The following GALM variants were observed in gnomAD, a reference collection of about 807,000 sequenced individuals.
The protein encoded by GALM is aldose 1-epimerase.
GALM carries 43 observed loss-of-function variants against 37.4 expected under a neutral mutation model. The ratio of observed to expected loss-of-function variants is 1.15; its 90% CI spans 0.90 to 1.48. GALM has a LOEUF of 1.48. Ranked by LOEUF, GALM falls within the 40% of genes most tolerant of loss-of-function variation. The pLI is 0.00. For missense variants in GALM, 456 were observed against 419.1 expected, an observed-to-expected ratio of 1.09 and a Z score of -0.77; for synonymous variants, 199 against 170.6, an observed-to-expected ratio of 1.17 and a Z score of -1.30.
intron 2 of GALM, among the ~76,000 whole-genome samples, chr2:38,679,206 C>T (rs1018943761): frequency 5.9e-5 from 9 of 152,132 alleles, no homozygotes; most frequent in East Asian, 1.9e-4. Flanking sequence ...AGGCTTGTCT[C>T]GAACTCTTGA....
intron 2 of GALM, among the ~76,000 whole-genome samples, chr2:38,677,547 AG>A (rs1249339753): frequency 3.9e-5 from 6 of 152,132 alleles, no homozygotes; most frequent in Non-Finnish European, 8.8e-5. Context: ...CCCCAACCAG[AG>A]AAAGTAAGGC....
intron 4 of GALM, among the ~76,000 whole-genome samples, chr2:38,723,127 A>G (rs1015835971): frequency 1.3e-5 from 2 of 152,204 alleles, no homozygotes; most frequent in South Asian, 4.1e-4. Flanking sequence ...ACAGAGATAA[A>G]TAGGGCACAA....
At chr2:38,686,241 T>TTTCTTTCTTTCTTTCTTTCTTTCTTTC (rs1665520105) in intron 3 of GALM, among the ~76,000 whole-genome samples, 1 of 93,630 alleles carries the variant, frequency 1.1e-5, no homozygotes, top group African/African-American at 6.4e-5. Flanking sequence ...TCTTTCTTTC[T>TTTCTTTCTTTCTTTCTTTCTTTCTTTC]TTCTTTCTTT....
intron 1 of GALM, among the ~76,000 whole-genome samples, chr2:38,674,846 G>C (rs1330927374): frequency 2.0e-5 from 3 of 152,160 alleles, no homozygotes; most frequent in African/African-American, 7.2e-5. Flanking sequence ...ACTTTGGATT[G>C]AAAATAGGTG....
intron 1 of GALM, among the ~76,000 whole-genome samples, chr2:38,671,935 G>A (rs60227216): frequency 0.02 from 3,117 of 152,060 alleles, 115 homozygotes; most frequent in African/African-American, 0.071. Context: ...GCAATGAGCC[G>A]TGATGGCACC....
At chr2:38,689,729 A>T (rs553516271) in intron 3 of GALM, 84 bp from the exon 4 acceptor site, 1 of 818,074 alleles carries the variant, frequency 1.2e-6, no homozygotes, top group Non-Finnish European at 2.0e-6. Flanking sequence ...TCAATGCCTG[A>T]AAACATTTTT....
rs375031753 is a variant in GALM, at chr2:38,708,087, A to G, written c.634+18193A>G. Among the ~76,000 whole-genome samples the G allele has an allele frequency of 4.1e-5, 6 of 148,102 alleles. No homozygotes were observed. In the East Asian group the frequency reaches 8.9e-4, roughly 22 times the overall value. On this transcript the variant is annotated intron_variant, in intron 4 of 6. Transcript: ENST00000272252. Reference sequence around the variant, plus strand: ...ATGCCATTGCACTCCAGCATGGGCAACAGAGTGAGAAACTGTATCAAAATT... The same window carrying G: ...ATGCCATTGCACTCCAGCATGGGCAGCAGAGTGAGAAACTGTATCAAAATT...
chr2:38,720,536 G>A lies in GALM; in HGVS notation c.635-9020G>A, dbSNP rs75394265. On this transcript the variant is annotated intron_variant, in intron 4 of 6. Coordinates refer to ENST00000272252, the MANE Select transcript of GALM (RefSeq NM_138801.3). Reference sequence around the variant, plus strand: ...TAGGAGGTGAAAACATCACCTCTTAGATGCTAGCAGTATACTAGCAATCTA... The same window carrying A: ...TAGGAGGTGAAAACATCACCTCTTAAATGCTAGCAGTATACTAGCAATCTA... Among the ~76,000 whole-genome samples the A allele has an allele frequency of 7.5e-3, 1,137 of 151,516 alleles. 27 individuals are homozygous for A. The highest frequency in any genetic ancestry group is 0.064 in the East Asian group (330 of 5,120).
At chr2:38,684,544 C>T (rs990669732) in intron 3 of GALM, among the ~76,000 whole-genome samples, 7 of 151,946 alleles carry the variant, frequency 4.6e-5, no homozygotes, top group Admixed American at 2.6e-4. Context: ...CGGCAGCTCA[C>T]GCCTGTAATC....
Position 38,733,933 on chromosome 2 carries a change from T to C in GALM, c.*368T>C. ...CTTTAAAGCTATTCTCACATTGCTT[T>C]TATTTCCTCCTCCTTCACCTCCAAC... is the stretch of plus-strand genomic sequence containing the variant. On this transcript the variant is annotated 3_prime_UTR_variant, in exon 7 of 7. Coordinates refer to ENST00000272252, the MANE Select transcript of GALM (RefSeq NM_138801.3). The C allele has an allele frequency of 3.2e-6, 1 of 308,258 alleles. No individual in the cohort carries two copies. Among genetic ancestry groups the C allele is most frequent in the East Asian group, 7.7e-5 (1 of 12,988 alleles). 19.1% of individuals were successfully genotyped at this position (308,258 alleles called of 1,614,324 possible). A position where few individuals can be genotyped will look rare whatever the true frequency, so the allele number is the denominator to read the frequency against.
rs12611916 is a variant in GALM, at chr2:38,695,615, T to G, written c.634+5721T>G. 8.2e-3 allele frequency among the ~76,000 whole-genome samples: 1,249 copies of G among 152,344 alleles called. 77 individuals are homozygous for G. The East Asian group carries it at 0.17, about 21-fold the overall frequency. On this transcript the variant is annotated intron_variant, in intron 4 of 6. Transcript: ENST00000272252. Reference sequence around the variant, plus strand: ...ACTTTTACTGCGTAAATCAGTTATTTTGCTTACCATCCTAGTCCTCTGCTT... The same window carrying G: ...ACTTTTACTGCGTAAATCAGTTATTGTGCTTACCATCCTAGTCCTCTGCTT...
chr2:38,704,594 G>A (rs1666001748), intron 4 of GALM, among the ~76,000 whole-genome samples: 1 of 151,610 alleles, frequency 6.6e-6, no homozygotes, highest in African/African-American at 2.4e-5. Context: ...AGGATTGCTT[G>A]AACCCAGGGG....
chr2:38,720,450 G>C (rs970663160), intron 4 of GALM, among the ~76,000 whole-genome samples: 1 of 151,516 alleles, frequency 6.6e-6, no homozygotes, highest in African/African-American at 2.4e-5. Context: ...GGCTGTGGGT[G>C]GGGGCAAGGA....
At chr2:38,690,939 T>G (rs1288708526) in intron 4 of GALM, among the ~76,000 whole-genome samples, 2 of 152,146 alleles carry the variant, frequency 1.3e-5, no homozygotes, top group Non-Finnish European at 2.9e-5. Flanking sequence ...GGCATCACAG[T>G]TTTTGAATAT....
At position 38,666,160 on chromosome 2, in the gene GALM, C is replaced by G. The variant is rs761608345; in HGVS notation, c.-2C>G. The G allele has an allele frequency of 3.7e-6, 6 of 1,609,846 alleles. No individual in the cohort carries two copies. Among genetic ancestry groups the G allele is most frequent in the Middle Eastern group, 1.7e-4 (1 of 6,016 alleles). The stretch of plus-strand genomic sequence containing the variant: ...AGTGGCTGCACACGCCAAACTTTCC[C>G]TATGGCTTCGGTGACCAGGGCCGTG... On this transcript the variant is annotated 5_prime_UTR_variant, in exon 1 of 7. Coordinates refer to ENST00000272252, the MANE Select transcript of GALM (RefSeq NM_138801.3).
intron 2 of GALM, among the ~76,000 whole-genome samples, chr2:38,679,795 A>T (rs1665351137): frequency 6.6e-6 from 1 of 152,146 alleles, no homozygotes; most frequent in Admixed American, 6.5e-5. Flanking sequence ...TTCATTATTC[A>T]ATGAGGATGA....
chr2:38,704,857 T>C (rs1224568229), intron 4 of GALM, among the ~76,000 whole-genome samples: 1 of 152,056 alleles, frequency 6.6e-6, no homozygotes, highest in Non-Finnish European at 1.5e-5. Context: ...TTGGTAGCAG[T>C]GGTATTCTTT....
intron 2 of GALM, among the ~76,000 whole-genome samples, chr2:38,678,735 G>A (rs142213870): frequency 0.021 from 3,165 of 152,216 alleles, 42 homozygotes; most frequent in Non-Finnish European, 0.029. Context: ...AGAGACCTCC[G>A]TTCCTGCTGG....
intron 6 of GALM, 138 bp downstream of exon 6, chr2:38,732,047 T>C (rs1047935180): frequency 3.8e-6 from 3 of 791,826 alleles, no homozygotes; most frequent in African/African-American, 1.8e-5. Context: ...TGAGACAGAG[T>C]CTCACTCTTG....
Sources: gnomAD v4.1 joint callset for allele counts (sites outside exome capture counted in the v4.1 genomes callset) on GRCh38, gnomAD v4.1.1 for gene constraint, MANE v1.5 for transcripts, NCBI Gene and HGNC (gene_info 2026-07-23, HGNC 2026-07-21) for gene names.